ASTN1: variants seen among roughly 807,000 people sequenced by gnomAD.
The protein encoded by ASTN1 is astrotactin 1, also known as astrotactin-1.
ASTN1 carries 41 observed loss-of-function variants against 140.7 expected under a neutral mutation model. That is an observed-to-expected ratio of 0.29 (90% CI 0.23 to 0.38). The LOEUF (loss-of-function observed/expected upper bound fraction) is 0.38, where lower values mean the gene tolerates loss of function less well. Among genes scored for constraint, ASTN1 ranks in the 10% least tolerant of loss-of-function variants. The probability of loss-of-function intolerance (pLI) is 1.00; values close to 1 mark genes in which losing one functional copy is unlikely to be tolerated. For synonymous variants in ASTN1, 640 were observed against 652.2 expected (o/e 0.98, Z 0.29); for missense variants, 1,479 against 1,678.8 (o/e 0.88, Z 2.08).
At chr1:176,965,282 C>T (rs1557996209) in intron 8 of ASTN1, 45 bp from the exon 9 acceptor site, 2 of 1,593,392 alleles carry the variant, frequency 1.3e-6, no homozygotes, top group Non-Finnish European at 1.7e-6. Flanking sequence ...TCAACAAATA[C>T]TCACTGAACA....
downstream of ASTN1, among the ~76,000 whole-genome samples, chr1:176,859,817 C>T (rs1667912000): frequency 1.3e-5 from 2 of 152,150 alleles, no homozygotes; most frequent in South Asian, 2.1e-4. Flanking sequence ...TCCTTAGTGG[C>T]TTAAGGCAAT....
At chr1:176,911,820 TTATTATCAGGTA>T (rs1670253924) in intron 16 of ASTN1, among the ~76,000 whole-genome samples, 1 of 152,232 alleles carries the variant, frequency 6.6e-6, no homozygotes, top group African/African-American at 2.4e-5. Flanking sequence ...TAACTGCCAT[TTATTATCAGGTA>T]TTACGTACTG....
At chr1:176,947,021 C>G (rs1202449260) in intron 12 of ASTN1, among the ~76,000 whole-genome samples, 1 of 152,206 alleles carries the variant, frequency 6.6e-6, no homozygotes, top group Non-Finnish European at 1.5e-5. Flanking sequence ...TAAAGCACAT[C>G]ATTTATTCCT....
chr1:177,111,927 G>A (rs1286656948), intron 1 of ASTN1, among the ~76,000 whole-genome samples: 1 of 152,186 alleles, frequency 6.6e-6, no homozygotes, highest in Non-Finnish European at 1.5e-5. Flanking sequence ...TGGGCCTGGG[G>A]AGAAGGATGG....
At chr1:176,948,573 T>C (rs1672051598) in intron 12 of ASTN1, among the ~76,000 whole-genome samples, 1 of 152,078 alleles carries the variant, frequency 6.6e-6, no homozygotes, top group Non-Finnish European at 1.5e-5. Flanking sequence ...ATCTGTAAAA[T>C]GGGTTTGCAT....
At chr1:176,924,544 T>G (rs2103077935) in intron 16 of ASTN1, among the ~76,000 whole-genome samples, 1 of 152,300 alleles carries the variant, frequency 6.6e-6, no homozygotes, top group African/African-American at 2.4e-5. Context: ...TTTCTCTCTC[T>G]TCTCACTAGG....
intron 1 of ASTN1, among the ~76,000 whole-genome samples, chr1:177,158,795 C>T (rs551070770): frequency 2.0e-5 from 3 of 151,298 alleles, no homozygotes; most frequent in East Asian, 1.9e-4. Context: ...TGGTGGCTCA[C>T]GCCTGTAATC....
chr1:177,115,317 A>G (rs1461706294), intron 1 of ASTN1, among the ~76,000 whole-genome samples: 1 of 152,202 alleles, frequency 6.6e-6, no homozygotes, highest in Non-Finnish European at 1.5e-5. Context: ...AAAGATGGAT[A>G]TGAGAAGATA....
At chr1:177,014,985 T>C in intron 7 of ASTN1, 110 bp from the exon 8 acceptor site, 6 of 938,264 alleles carry the variant, frequency 6.4e-6, no homozygotes, top group Non-Finnish European at 1.0e-5. Context: ...TACTCTGATA[T>C]TAGCATGAAT....
intron 3 of ASTN1, among the ~76,000 whole-genome samples, chr1:177,032,212 A>G (rs1676475897): frequency 6.6e-6 from 1 of 152,178 alleles, no homozygotes; most frequent in Admixed American, 6.5e-5. Context: ...ACGTTAAAGT[A>G]TGTTGCTTCC....
chr1:177,122,204 C>A (rs1225607374), intron 1 of ASTN1, among the ~76,000 whole-genome samples: 1 of 152,076 alleles, frequency 6.6e-6, no homozygotes, highest in Non-Finnish European at 1.5e-5. Context: ...TGCAGAGGGA[C>A]TGAGAGAAAG....
chr1:177,001,464 A>G (rs1207829571), intron 8 of ASTN1, among the ~76,000 whole-genome samples: 1 of 152,242 alleles, frequency 6.6e-6, no homozygotes, highest in Non-Finnish European at 1.5e-5. Context: ...TTAGGTTTTT[A>G]AAATAATCTT....
At chr1:177,027,200 TCC>T (rs1676161471) in intron 5 of ASTN1, among the ~76,000 whole-genome samples, 1 of 152,008 alleles carries the variant, frequency 6.6e-6, no homozygotes, top group Non-Finnish European at 1.5e-5. Context: ...AAACAACATC[TCC>T]CTGTAAACAC....
intron 9 of ASTN1, among the ~76,000 whole-genome samples, chr1:176,964,064 C>A (rs555323518): frequency 6.6e-6 from 1 of 152,284 alleles, no homozygotes; most frequent in African/African-American, 2.4e-5. Flanking sequence ...GCTGAGTCCA[C>A]CCCGAGCTAC....
rs762732722 is a variant in ASTN1 at position 176,894,840 on chromosome 1, C to A, written c.2672-10G>T. 2 of 1,612,948 alleles carry A rather than the reference C, an allele frequency of 1.2e-6. No individual in the cohort carries two copies. Among genetic ancestry groups the A allele is most frequent in the East Asian group, 4.5e-5 (2 of 44,884 alleles). On this transcript the variant is annotated splice_polypyrimidine_tract_variant and intron_variant, in intron 16 of 22. Coordinates refer to ENST00000361833, the MANE Select transcript of ASTN1 (RefSeq NM_004319.3). ...TCTGATGGGGAGTTGCCTGCAGACA[C>A]AAAATGGAAAGAAACAGTGAAGGAG...
At chr1:176,970,781 A>C (rs537280740) in intron 8 of ASTN1, among the ~76,000 whole-genome samples, 10 of 151,130 alleles carry the variant, frequency 6.6e-5, no homozygotes, top group African/African-American at 2.2e-4. Flanking sequence ...GATATAGTCC[A>C]GCATAGATGG....
In ASTN1 at chr1:176,861,163, A is replaced by T; in HGVS notation, c.*3121T>A. The T allele has an allele frequency of 2.1e-6, 2 of 946,808 alleles. No homozygotes were observed. The highest frequency in any genetic ancestry group is 2.5e-6 in the Non-Finnish European group (2 of 794,680). 58.7% of individuals were successfully genotyped at this position (946,808 alleles called of 1,614,324 possible). A position where few individuals can be genotyped will look rare whatever the true frequency, so the allele number is the denominator to read the frequency against. On this transcript the variant is annotated 3_prime_UTR_variant, in exon 23 of 23. Transcript: ENST00000361833. ...TTAAACAACACTGTTATACCTGAAG[A>T]TGGTCATATTATATTCTTTCTTCCT...
At chr1:176,934,803 G>A (rs1437343211) in intron 15 of ASTN1, among the ~76,000 whole-genome samples, 1 of 152,092 alleles carries the variant, frequency 6.6e-6, no homozygotes, top group African/African-American at 2.4e-5. Context: ...GTGGGAGTAT[G>A]TGTACGCGCA....
intron 16 of ASTN1, among the ~76,000 whole-genome samples, chr1:176,923,106 C>G (rs1670807674): frequency 6.6e-6 from 1 of 152,120 alleles, no homozygotes; most frequent in Non-Finnish European, 1.5e-5. Flanking sequence ...AATTTTGATG[C>G]AATTCTGTCT....
Sources: allele counts gnomAD v4.1 joint callset (sites outside exome capture counted in the v4.1 genomes callset), GRCh38; gene constraint gnomAD v4.1.1; transcripts MANE v1.5; gene names NCBI Gene and HGNC (gene_info 2026-07-23, HGNC 2026-07-21).